PCBP3: variants seen among roughly 807,000 people sequenced by gnomAD.
The protein encoded by PCBP3 is poly(rC) binding protein 3.
Under a neutral mutation model 52.7 loss-of-function variants are expected in PCBP3, and 25 were observed. That is an observed-to-expected ratio of 0.47 (90% CI 0.35 to 0.66). The LOEUF (loss-of-function observed/expected upper bound fraction) is 0.66. Ranked by LOEUF, PCBP3 falls within the 30% of genes least tolerant of loss-of-function variation. PCBP3 has a pLI of 0.01. For synonymous variants in PCBP3, 162 were observed against 183.0 expected, an observed-to-expected ratio of 0.89 and a Z score of 0.93; for missense variants, 391 against 490.3, an observed-to-expected ratio of 0.80 and a Z score of 1.91.
intron 4 of PCBP3, among the ~76,000 whole-genome samples, chr21:45,797,582 G>GTGCATGGATGGATGAA (rs1473379711): frequency 2.7e-4 from 1 of 3,738 alleles, no homozygotes; most frequent in African/African-American, 1.1e-3. Context: ...GAGTGATTGT[G>GTGCATGGATGGATGAA]TGCATGGATG....
chr21:45,721,203 A>G (rs889494545), intron 2 of PCBP3, among the ~76,000 whole-genome samples: 2 of 152,200 alleles, frequency 1.3e-5, no homozygotes, highest in African/African-American at 4.8e-5. Context: ...ACTTGAGGCC[A>G]GGAGTTTGAG....
intron 4 of PCBP3, among the ~76,000 whole-genome samples, chr21:45,806,134 G>A (rs571235623): frequency 1.3e-5 from 2 of 152,264 alleles, no homozygotes; most frequent in South Asian, 4.1e-4. Context: ...GCTCTGCACA[G>A]AGTGTGGAAG....
chr21:45,910,040 T>A lies in PCBP3; in HGVS notation c.471+554T>A, dbSNP rs189505503. ...ACCTGGCCCACCCACTGCCCAGATA[T>A]GGACCCCCCCCACCACTGCCCAGAT... On this transcript the variant is annotated intron_variant, in intron 10 of 17. Coordinates refer to ENST00000681687, the MANE Select transcript of PCBP3 (RefSeq NM_001384156.1). Among the ~76,000 whole-genome samples, 10 of 15,674 alleles carry A rather than the reference T, an allele frequency of 6.4e-4. 1 individual carries two copies. The highest frequency in any genetic ancestry group is 2.4e-3 in the African/African-American group (8 of 3,274). The allele number at this position is 15,674 out of a possible 152,430, so 10.3% of individuals were successfully genotyped here. A position where few individuals can be genotyped will look rare whatever the true frequency, so the allele number is the denominator to read the frequency against.
chr21:45,726,356 G>A (rs2085043467), intron 2 of PCBP3, among the ~76,000 whole-genome samples: 1 of 152,090 alleles, frequency 6.6e-6, no homozygotes, highest in Non-Finnish European at 1.5e-5. Flanking sequence ...GACTGGGTGG[G>A]CTCATCTAGG....
intron 2 of PCBP3, among the ~76,000 whole-genome samples, chr21:45,693,265 G>T (rs1050511415): frequency 2.0e-5 from 3 of 152,100 alleles, no homozygotes; most frequent in African/African-American, 7.2e-5. Flanking sequence ...CTTCAACATT[G>T]TTCTGATACC....
intron 2 of PCBP3, among the ~76,000 whole-genome samples, chr21:45,708,924 G>A (rs970661793): frequency 2.6e-5 from 4 of 152,264 alleles, no homozygotes; most frequent in Non-Finnish European, 5.9e-5. Flanking sequence ...CCATGTGTGT[G>A]CAGAGGCCAA....
chr21:45,676,356 C>T (rs920823755), intron 2 of PCBP3, among the ~76,000 whole-genome samples: 1 of 143,846 alleles, frequency 7.0e-6, no homozygotes, highest in Non-Finnish European at 1.5e-5. Context: ...CATTTTATTG[C>T]ACTTTACAGA....
At chr21:45,717,379 A>T (rs1199254099) in intron 2 of PCBP3, among the ~76,000 whole-genome samples, 1 of 152,138 alleles carries the variant, frequency 6.6e-6, no homozygotes, top group Non-Finnish European at 1.5e-5. Context: ...CGTTGATTGT[A>T]CTGGCAAGGG....
chr21:45,798,761 A>T (rs1465498478), intron 4 of PCBP3, among the ~76,000 whole-genome samples: 1 of 145,526 alleles, frequency 6.9e-6, no homozygotes, highest in Non-Finnish European at 1.5e-5. Flanking sequence ...GAGTGAATGG[A>T]TGTGTACATG....
chr21:45,807,346 G>C (rs1186739666), intron 4 of PCBP3, among the ~76,000 whole-genome samples: 2 of 152,146 alleles, frequency 1.3e-5, no homozygotes, highest in African/African-American at 2.4e-5. Context: ...AAAGTCTCAG[G>C]ATACAAAATC....
At chr21:45,861,812 G>A (rs1319771004) in intron 5 of PCBP3, among the ~76,000 whole-genome samples, 1 of 152,160 alleles carries the variant, frequency 6.6e-6, no homozygotes, top group Non-Finnish European at 1.5e-5. Flanking sequence ...GAGACAGAAC[G>A]GGATCCACTC....
At chr21:45,781,601 C>T (rs11911547) in intron 4 of PCBP3, among the ~76,000 whole-genome samples, 1,757 of 152,244 alleles carry the variant, frequency 0.012, 49 homozygotes, top group African/African-American at 0.039. Flanking sequence ...TTATTAAATA[C>T]GTACCTACCA....
At chr21:45,740,471 G>T (rs2086344400) in intron 3 of PCBP3, among the ~76,000 whole-genome samples, 2 of 152,252 alleles carry the variant, frequency 1.3e-5, no homozygotes, top group African/African-American at 4.8e-5. Context: ...TGACAGGCAA[G>T]ATGTTTTTAA....
chr21:45,895,613 C>T (rs1014830269), intron 5 of PCBP3, among the ~76,000 whole-genome samples: 2 of 152,232 alleles, frequency 1.3e-5, no homozygotes, highest in South Asian at 2.1e-4. Flanking sequence ...AGTAGTGACA[C>T]GATGACTGCA....
intron 4 of PCBP3, among the ~76,000 whole-genome samples, chr21:45,815,062 T>A (rs572446737): frequency 4.9e-4 from 45 of 91,842 alleles, no homozygotes; most frequent in African/African-American, 2.2e-3. Flanking sequence ...GAGTGTTGAG[T>A]GAGTGATGAG....
chr21:45,696,459 CA>C (rs2082780705), intron 2 of PCBP3, among the ~76,000 whole-genome samples: 2 of 152,104 alleles, frequency 1.3e-5, no homozygotes, highest in African/African-American at 4.8e-5. Context: ...GATTTGTCTC[CA>C]GAATGTATGA....
At chr21:45,825,675 A>G (rs531946012) in intron 4 of PCBP3, among the ~76,000 whole-genome samples, 1 of 152,236 alleles carries the variant, frequency 6.6e-6, no homozygotes, top group East Asian at 1.9e-4. Flanking sequence ...TTTGCATCTC[A>G]GTAGGAATTC....
At chr21:45,809,530 G>A (rs553200542) in intron 4 of PCBP3, among the ~76,000 whole-genome samples, 9 of 152,322 alleles carry the variant, frequency 5.9e-5, no homozygotes, top group African/African-American at 1.9e-4. Flanking sequence ...AGCCTGGGCC[G>A]GCTGCTGCGT....
chr21:45,883,465 T>C (rs1195073013), intron 5 of PCBP3, among the ~76,000 whole-genome samples: 1 of 152,238 alleles, frequency 6.6e-6, no homozygotes, highest in Non-Finnish European at 1.5e-5. Context: ...CCAGTGGTTC[T>C]TTCAGTTGTT....
Sources: allele counts gnomAD v4.1 joint callset (sites outside exome capture counted in the v4.1 genomes callset), GRCh38; gene constraint gnomAD v4.1.1; transcripts MANE v1.5; gene names NCBI Gene and HGNC (gene_info 2026-07-23, HGNC 2026-07-21).